Variants in RBFOX1 observed in about 807,000 individuals in gnomAD.
RBFOX1 encodes the protein RNA binding fox-1 homolog 1.
RBFOX1 carries 8 observed loss-of-function variants against 57.7 expected under a neutral mutation model. The ratio of observed to expected loss-of-function variants is 0.14; its 90% confidence interval spans 0.08 to 0.25. The LOEUF (loss-of-function observed/expected upper bound fraction) is 0.25. Among genes scored for constraint, RBFOX1 ranks in the 10% least tolerant of loss-of-function variants. The pLI is 1.00. For synonymous variants in RBFOX1, 326 were observed against 222.4 expected (o/e 1.47, Z -4.15); for missense variants, 611 against 548.5 (o/e 1.11, Z -1.14).
intron 1 of RBFOX1, among the ~76,000 whole-genome samples, chr16:6,268,617 A>T (rs2074829423): frequency 6.6e-6 from 1 of 152,214 alleles, no homozygotes; most frequent in African/African-American, 2.4e-5. Flanking sequence ...TAATTCAATC[A>T]TTCAAAATAT....
At chr16:7,182,079 A>G (rs2082831491) in intron 4 of RBFOX1, among the ~76,000 whole-genome samples, 1 of 152,238 alleles carries the variant, frequency 6.6e-6, no homozygotes, top group Non-Finnish European at 1.5e-5. Context: ...ATGAGTCTTC[A>G]GAAGCTTGTT....
chr16:7,514,561 A>G (rs1215948610), intron 4 of RBFOX1, among the ~76,000 whole-genome samples: 1 of 152,064 alleles, frequency 6.6e-6, no homozygotes, highest in Non-Finnish European at 1.5e-5. Flanking sequence ...AGCAGAGGGG[A>G]TGGGCAACTG....
chr16:7,204,942 C>A (rs954816148), intron 4 of RBFOX1, among the ~76,000 whole-genome samples: 2 of 152,188 alleles, frequency 1.3e-5, no homozygotes, highest in Admixed American at 6.5e-5. Flanking sequence ...TGCACTTCAA[C>A]TTGAAATTCC....
rs188089055 is a variant in RBFOX1, at chr16:6,584,448, A to G, written c.-63-70155A>G. ...AGTGGCATGATCTTAGCACACTCCA[A>G]CCTCTGCCTCCTGGGTTCCAGCAAT... On this transcript the variant is annotated intron_variant, in intron 2 of 15. Transcript: ENST00000550418. Among the ~76,000 whole-genome samples the G allele has an allele frequency of 2.4e-4, 36 of 151,232 alleles. No individual in the cohort carries two copies. The East Asian group carries it at 6.4e-3, about 27-fold the overall frequency.
intron 3 of RBFOX1, among the ~76,000 whole-genome samples, chr16:6,814,863 G>A (rs1316452585): frequency 1.3e-5 from 2 of 152,100 alleles, no homozygotes; most frequent in Non-Finnish European, 2.9e-5. Context: ...CCAAGAGAGG[G>A]TTCTTGGACC....
At chr16:6,276,087 A>AT (rs1056104138) in intron 1 of RBFOX1, among the ~76,000 whole-genome samples, 6 of 152,198 alleles carry the variant, frequency 3.9e-5, no homozygotes, top group African/African-American at 4.8e-5. Context: ...GGGATTTAAC[A>AT]TTTTTTTAAA....
intron 4 of RBFOX1, among the ~76,000 whole-genome samples, chr16:7,288,902 A>G (rs570676899): frequency 9.8e-5 from 15 of 152,300 alleles, no homozygotes; most frequent in African/African-American, 3.4e-4. Flanking sequence ...TTGATAGGAC[A>G]TTGGCTATGC....
chr16:5,441,758 T>C (rs1358566776), intron 1 of RBFOX1, among the ~76,000 whole-genome samples: 2 of 152,110 alleles, frequency 1.3e-5, no homozygotes, highest in Non-Finnish European at 2.9e-5. Context: ...CATGTCCTTC[T>C]TCACATGGCA....
intron 1 of RBFOX1, among the ~76,000 whole-genome samples, chr16:5,325,321 ACT>A (rs2064538112): frequency 5.3e-5 from 8 of 152,106 alleles, no homozygotes; most frequent in Non-Finnish European, 1.2e-4. Context: ...CACGAGACTC[ACT>A]TGTCCTTTGT....
At position 6,995,463 on chromosome 16, in the gene RBFOX1, A is replaced by G. The variant is rs1026731924; in HGVS notation, c.-15-56594A>G. 1.2e-4 allele frequency among the ~76,000 whole-genome samples: 19 copies of G among 152,170 alleles called. No individual in the cohort carries two copies. In the South Asian group the frequency reaches 3.9e-3, roughly 32 times the overall value. ...CAAGCAAATAATCTTGCTGGTGGTG[A>G]CAGAAGAGGAAGGCTTTGAAGAGGG... is the stretch of plus-strand genomic sequence containing the variant. On this transcript the variant is annotated intron_variant, in intron 3 of 15. Coordinates refer to ENST00000550418, the MANE Select transcript of RBFOX1 (RefSeq NM_018723.4).
chr16:6,467,757 C>A (rs138688072), intron 2 of RBFOX1, among the ~76,000 whole-genome samples: 2 of 152,294 alleles, frequency 1.3e-5, no homozygotes, highest in East Asian at 3.9e-4. Context: ...AAGGATTAGA[C>A]CTCATCTGCC....
intron 3 of RBFOX1, among the ~76,000 whole-genome samples, chr16:5,633,549 C>G (rs1400594852): frequency 6.6e-6 from 1 of 151,972 alleles, no homozygotes; most frequent in Non-Finnish European, 1.5e-5. Context: ...GAACTCAAAT[C>G]AACAAGAATA....
rs28879985 is a variant in RBFOX1 at position 5,279,496 on chromosome 16, A to T, written c.219+39391A>T. Among the ~76,000 whole-genome samples, 74 of 138,832 alleles carry T rather than the reference A, an allele frequency of 5.3e-4. 1 individual carries two copies. Among genetic ancestry groups the T allele is most frequent in the African/African-American group, 1.6e-3 (63 of 38,266 alleles). The allele number at this position is 138,832 out of a possible 152,430, so 91.1% of individuals were successfully genotyped here. The stretch of plus-strand genomic sequence containing the variant: ...GAATTATACGTCCGTTTTTAAAAAA[A>T]TTTTTTTTTATTTTTTATTTTTTGA... On this transcript the variant is annotated intron_variant, in intron 1 of 2. Transcript: ENST00000585867.
intron 1 of RBFOX1, among the ~76,000 whole-genome samples, chr16:5,362,024 T>C (rs1211298931): frequency 6.6e-6 from 1 of 152,228 alleles, no homozygotes; most frequent in East Asian, 1.9e-4. Context: ...TTGTGCCAAC[T>C]GCATTGCATA....
At position 5,513,494 on chromosome 16, in the gene RBFOX1, C is replaced by A. The variant is rs900066931; in HGVS notation, c.258+46240C>A. On this transcript the variant is annotated intron_variant, in intron 2 of 2. Coordinates refer to the RBFOX1 transcript ENST00000585867. ...GTAAATTTGCTCTTCACACACCACA[C>A]CCACCTCTTCATTCTGTGCTCTTTG... Among the ~76,000 whole-genome samples the A allele has an allele frequency of 5.3e-5, 8 of 152,278 alleles. No homozygotes were observed. The South Asian group carries it at 6.2e-4, about 12-fold the overall frequency.
intron 3 of RBFOX1, among the ~76,000 whole-genome samples, chr16:5,704,963 G>C (rs1375293915): frequency 6.6e-6 from 1 of 152,118 alleles, no homozygotes; most frequent in East Asian, 1.9e-4. Context: ...GGGAAAACCT[G>C]CTCATCTCCA....
chr16:7,702,193 G>T (rs556309357), intron 14 of RBFOX1, among the ~76,000 whole-genome samples: 1 of 152,252 alleles, frequency 6.6e-6, no homozygotes, highest in Non-Finnish European at 1.5e-5. Flanking sequence ...TTGGTTGTGT[G>T]GTAAATATTT....
At chr16:6,946,334 G>C (rs78260682) in intron 3 of RBFOX1, among the ~76,000 whole-genome samples, 1 of 152,204 alleles carries the variant, frequency 6.6e-6, no homozygotes, top group African/African-American at 2.4e-5. Flanking sequence ...AAAATAGTCA[G>C]TGGGCCAGGT....
chr16:6,600,666 C>G (rs1386571570), intron 2 of RBFOX1, among the ~76,000 whole-genome samples: 5 of 152,172 alleles, frequency 3.3e-5, no homozygotes, highest in African/African-American at 1.2e-4. Context: ...ACCTAAATAT[C>G]TTGGCCTGAT....
Sources: allele counts gnomAD v4.1 joint callset (sites outside exome capture counted in the v4.1 genomes callset), GRCh38; gene constraint gnomAD v4.1.1; transcripts MANE v1.5; gene names NCBI Gene and HGNC (gene_info 2026-07-23, HGNC 2026-07-21).